ZNF280D: variants seen among roughly 807,000 people sequenced by gnomAD.
The protein encoded by ZNF280D is suppressor of hairy wing homolog 4.
A neutral mutation model predicts 94.7 loss-of-function variants in ZNF280D; 39 were observed. That is an observed-to-expected ratio of 0.41 (90% CI 0.32 to 0.54). The LOEUF (loss-of-function observed/expected upper bound fraction) is 0.54. ZNF280D is among the 20% of genes least tolerant of loss of function. ZNF280D has a pLI of 0.22. For synonymous variants in ZNF280D, 398 were observed against 377.6 expected (o/e 1.05, Z -0.63); for missense variants, 1,090 against 1,149.3 (o/e 0.95, Z 0.75).
chr15:56,691,035 T>A (rs1218262463), intron 7 of ZNF280D, among the ~76,000 whole-genome samples: 1 of 152,220 alleles, frequency 6.6e-6, no homozygotes, highest in Non-Finnish European at 1.5e-5. Flanking sequence ...TTTACAGAGC[T>A]GCTTTAAGGA....
At chr15:56,716,229 G>C (rs945650230) in intron 1 of ZNF280D, among the ~76,000 whole-genome samples, 1 of 152,070 alleles carries the variant, frequency 6.6e-6, no homozygotes, top group African/African-American at 2.4e-5. Flanking sequence ...TTGTGGTCTA[G>C]AGATAGGGAC....
chr15:56,700,117 G>A, intron 6 of ZNF280D: 1 of 856,220 alleles, frequency 1.2e-6, no homozygotes, highest in Non-Finnish European at 1.4e-6. Context: ...AACCCCAGGG[G>A]ATTGCAAACT....
chr15:56,733,364 C>G, intron 1 of ZNF280D, 94 bp downstream of exon 1: 4 of 752,126 alleles, frequency 5.3e-6, no homozygotes, highest in Non-Finnish European at 4.9e-6. Flanking sequence ...TCAAGACCCC[C>G]AGTCCAGCGC....
intron 1 of ZNF280D, among the ~76,000 whole-genome samples, chr15:56,712,436 G>C (rs1350897855): frequency 6.6e-6 from 1 of 151,600 alleles, no homozygotes; most frequent in Non-Finnish European, 1.5e-5. Flanking sequence ...AGCTCAGCCT[G>C]GGCAATATGG....
intron 19 of ZNF280D, chr15:56,653,648 G>T (rs1273174978): frequency 7.1e-7 from 1 of 1,410,062 alleles, no homozygotes; most frequent in Non-Finnish European, 9.2e-7. Flanking sequence ...ATGAGAAAAA[G>T]ACAATTATCT....
At position 56,701,165 on chromosome 15, in the gene ZNF280D, T is replaced by C. The variant is rs1351384407; in HGVS notation, c.241+8A>G. ...CTTTAAAATTAAAATAGTATAATAA[T>C]ACTGTACCTCGACTGAGTGCACCAT... On this transcript the variant is annotated splice_region_variant and intron_variant, in intron 5 of 21. Coordinates refer to ENST00000267807, the MANE Select transcript of ZNF280D (RefSeq NM_017661.4). 1 of 1,596,780 alleles carries C rather than the reference T, an allele frequency of 6.3e-7. No homozygotes were observed. The highest frequency in any genetic ancestry group is 1.4e-5 in the African/African-American group (1 of 73,580).
Position 56,654,250 on chromosome 15 carries a change from A to G in ZNF280D, c.2177-16T>C. 6.2e-7 allele frequency: 1 copy of G among 1,610,356 alleles called. No homozygotes were observed. Among genetic ancestry groups the G allele is most frequent in the Non-Finnish European group, 8.5e-7 (1 of 1,179,058 alleles). On this transcript the variant is annotated splice_polypyrimidine_tract_variant and intron_variant, in intron 18 of 21. Transcript: ENST00000267807. ...CAAACAGAAACTGAAATTAGAAGAA[A>G]AGTTTTACATTTACAACAGCATATG...
chr15:56,728,264 C>A (rs1438701547), intron 1 of ZNF280D, among the ~76,000 whole-genome samples: 1 of 152,196 alleles, frequency 6.6e-6, no homozygotes, highest in African/African-American at 2.4e-5. Context: ...CTCAAGCAAT[C>A]CTGCCTTGGC....
rs140629540 is a variant in ZNF280D at position 56,694,432 on chromosome 15, T to C, written c.382-1217A>G. 2.0e-5 allele frequency among the ~76,000 whole-genome samples: 3 copies of C among 151,828 alleles called. No individual in the cohort carries two copies. The East Asian group carries it at 5.8e-4, about 30-fold the overall frequency. The stretch of plus-strand genomic sequence containing the variant: ...TTTTGGACCATTCTACATGTCATAA[T>C]ACATAACAAGCGGATTAACAATGAT... On this transcript the variant is annotated intron_variant, in intron 6 of 21. Transcript: ENST00000267807.
At position 56,668,975 on chromosome 15, in the gene ZNF280D, G is replaced by A; in HGVS notation, c.1411-18C>T. The stretch of plus-strand genomic sequence containing the variant: ...CCTTTTTTCTGTTTAGAAAAAAACA[G>A]AAAAAGGGGGAAAAATAATTTCAAA... On this transcript the variant is annotated intron_variant, in intron 13 of 21. Coordinates refer to ENST00000267807, the MANE Select transcript of ZNF280D (RefSeq NM_017661.4). The A allele has an allele frequency of 6.3e-7, 1 of 1,588,378 alleles. No individual in the cohort carries two copies. The highest frequency in any genetic ancestry group is 8.5e-7 in the Non-Finnish European group (1 of 1,171,086).
intron 17 of ZNF280D, among the ~76,000 whole-genome samples, chr15:56,656,853 T>A (rs2053581888): frequency 6.6e-6 from 1 of 152,124 alleles, no homozygotes; most frequent in African/African-American, 2.4e-5. Context: ...AGATAGGGAA[T>A]GCTGGGATAA....
chr15:56,662,670 C>T (rs1698291049), intron 16 of ZNF280D, among the ~76,000 whole-genome samples: 1 of 151,546 alleles, frequency 6.6e-6, no homozygotes. Context: ...ACTAAAAATA[C>T]AAAAATTAGC....
At chr15:56,703,092 C>T (rs1253413686) in intron 4 of ZNF280D, among the ~76,000 whole-genome samples, 3 of 152,116 alleles carry the variant, frequency 2.0e-5, no homozygotes, top group Non-Finnish European at 2.9e-5. Flanking sequence ...CACTGTCATA[C>T]ATTTTTGAGT....
intron 1 of ZNF280D, among the ~76,000 whole-genome samples, chr15:56,723,165 A>T (rs1364985539): frequency 6.6e-6 from 1 of 152,092 alleles, no homozygotes; most frequent in African/African-American, 2.4e-5. Flanking sequence ...CCAGCATGGC[A>T]CATGTATACG....
chr15:56,714,142 T>G (rs1289309859), intron 1 of ZNF280D, among the ~76,000 whole-genome samples: 3 of 152,200 alleles, frequency 2.0e-5, no homozygotes, highest in African/African-American at 7.2e-5. Flanking sequence ...GTTAGAAAAC[T>G]AAGTATCTTT....
At chr15:56,653,667 A>T in intron 19 of ZNF280D, 2 of 1,369,496 alleles carry the variant, frequency 1.5e-6, no homozygotes, top group East Asian at 5.7e-5. Flanking sequence ...CTGGCCTAAA[A>T]CTTAAGACGT....
At chr15:56,649,431 C>G (rs1015747537) in intron 19 of ZNF280D, among the ~76,000 whole-genome samples, 1 of 152,068 alleles carries the variant, frequency 6.6e-6, no homozygotes, top group African/African-American at 2.4e-5. Flanking sequence ...AATTACATAC[C>G]AGGAGCAAAT....
chr15:56,680,829 A>C (rs1455504719), intron 10 of ZNF280D, among the ~76,000 whole-genome samples: 1 of 152,180 alleles, frequency 6.6e-6, no homozygotes, highest in East Asian at 1.9e-4. Context: ...AGGCCAAAAA[A>C]ATACTGCTGA....
At chr15:56,636,811 G>A (rs2052378257) in intron 20 of ZNF280D, among the ~76,000 whole-genome samples, 1 of 151,528 alleles carries the variant, frequency 6.6e-6, no homozygotes, top group East Asian at 1.9e-4. Context: ...GTAGAGATGG[G>A]GTTTCACTAT....
Sources: gnomAD v4.1 joint callset for allele counts (sites outside exome capture counted in the v4.1 genomes callset) on GRCh38, gnomAD v4.1.1 for gene constraint, MANE v1.5 for transcripts, NCBI Gene and HGNC (gene_info 2026-07-23, HGNC 2026-07-21) for gene names.